The following PRH1 variants were observed in gnomAD, a reference collection of about 807,000 sequenced individuals.
PRH1 encodes proline rich protein HaeIII subfamily 1.
In PRH1, 7 loss-of-function variants were observed where a neutral mutation model predicts 7.9. The observed-to-expected ratio is 0.89, with a 90% CI of 0.50 to 1.67. PRH1 has a LOEUF of 1.67. Among genes scored for constraint, PRH1 ranks in the 40% most tolerant of loss-of-function variants. PRH1 has a pLI of 0.00. For synonymous variants in PRH1, 45 were observed against 80.8 expected (o/e 0.56, Z 2.38); for missense variants, 109 against 223.6 (o/e 0.49, Z 3.27).
intron 1 of PRH1, chr12:11,031,513 GAAGAGA>G: frequency 1.5e-6 from 1 of 685,776 alleles, no homozygotes; most frequent in Admixed American, 3.4e-5. Flanking sequence ...GGTTTATTGA[GAAGAGA>G]GAAAGGACAA....
In PRH1 at chr12:11,088,766, C is replaced by A. The variant is rs113153053; in HGVS notation, n.124-41578G>T. Among the ~76,000 whole-genome samples the A allele has an allele frequency of 2.7e-3, 245 of 91,702 alleles. 4 individuals carry two copies. The highest frequency in any genetic ancestry group is 4.0e-3 in the Non-Finnish European group (150 of 37,142). 60.2% of individuals were successfully genotyped at this position (91,702 alleles called of 152,430 possible). On this transcript the variant is annotated intron_variant and non_coding_transcript_variant, in intron 1 of 4. Transcript: ENST00000541977. ...GATATGGACTCTGCTCCAAGCTGCT[C>A]TGGCCACTGTGCCAGATGATCCAGC...
At chr12:11,022,228 T>C in intron 1 of PRH1, 1 of 1,614,050 alleles carries the variant, frequency 6.2e-7, no homozygotes, top group Non-Finnish European at 8.5e-7. Context: ...AGAAATAAGG[T>C]TGGAGAAATT....
At chr12:11,111,203 G>C (rs915188486) in intron 1 of PRH1, among the ~76,000 whole-genome samples, 1 of 152,144 alleles carries the variant, frequency 6.6e-6, no homozygotes, top group African/African-American at 2.4e-5. Flanking sequence ...CAATAATAGT[G>C]AGAGACTTTA....
At chr12:11,060,037 T>TA (rs1943519347) in intron 1 of PRH1, among the ~76,000 whole-genome samples, 1 of 152,214 alleles carries the variant, frequency 6.6e-6, no homozygotes. Context: ...TTACAGTTCT[T>TA]ACATTGTACT....
intron 2 of PRH1, among the ~76,000 whole-genome samples, chr12:10,921,067 AT>A (rs1432539401): frequency 6.6e-6 from 1 of 152,062 alleles, no homozygotes; most frequent in Non-Finnish European, 1.5e-5. Context: ...TTAAGTATAT[AT>A]TATGAGACTA....
intron 2 of PRH1, chr12:10,930,228 C>A: frequency 1.2e-6 from 2 of 1,600,732 alleles, no homozygotes; most frequent in Non-Finnish European, 1.7e-6. Flanking sequence ...CTGAATGATT[C>A]ATGCAGTAAC....
chr12:10,896,607 C>G (rs1280416921), intron 2 of PRH1, among the ~76,000 whole-genome samples: 1 of 151,752 alleles, frequency 6.6e-6, no homozygotes, highest in Non-Finnish European at 1.5e-5. Flanking sequence ...ACTAAAAATA[C>G]AAAAATTAGC....
At chr12:11,048,125 C>G (rs1415912370), upstream of PRH1, among the ~76,000 whole-genome samples, 1 of 148,262 alleles carries the variant, frequency 6.7e-6, no homozygotes, top group African/African-American at 2.5e-5. Flanking sequence ...CACACATGCA[C>G]ACATATACCC....
At chr12:11,144,064 GCCT>G (rs1480462490) in intron 1 of PRH1, among the ~76,000 whole-genome samples, 1 of 152,140 alleles carries the variant, frequency 6.6e-6, no homozygotes, top group East Asian at 1.9e-4. Context: ...GTGCTGGTTG[GCCT>G]CCTACCAGGA....
At chr12:10,946,683 G>A (rs566918427) in intron 2 of PRH1, among the ~76,000 whole-genome samples, 15 of 151,956 alleles carry the variant, frequency 9.9e-5, no homozygotes, top group African/African-American at 2.7e-4. Flanking sequence ...TGCTAGCTTC[G>A]GGGTTGATTT....
chr12:11,085,029 C>CAT (rs1944638606), intron 1 of PRH1, among the ~76,000 whole-genome samples: 2 of 113,450 alleles, frequency 1.8e-5, no homozygotes, highest in East Asian at 4.3e-4. Flanking sequence ...ACCGTGTTAG[C>CAT]CAGGATGGTC....
At chr12:11,122,501 C>A in intron 1 of PRH1, among the ~76,000 whole-genome samples, 1 of 152,252 alleles carries the variant, frequency 6.6e-6, no homozygotes, top group Non-Finnish European at 1.5e-5. Flanking sequence ...TATGTCCACA[C>A]TTGTTGTGTC....
At chr12:11,150,411 G>C (rs1480798262) in intron 1 of PRH1, among the ~76,000 whole-genome samples, 1 of 152,016 alleles carries the variant, frequency 6.6e-6, no homozygotes, top group East Asian at 1.9e-4. Flanking sequence ...CAAAGACTTG[G>C]AACCAATCCA....
chr12:11,094,637 A>G (rs1234691030), intron 1 of PRH1, among the ~76,000 whole-genome samples: 1 of 116,238 alleles, frequency 8.6e-6, no homozygotes, highest in Non-Finnish European at 2.0e-5. Flanking sequence ...CTATCTTAGA[A>G]TTGTGTAAGA....
At chr12:10,978,066 G>A (rs1939186643) in intron 1 of PRH1, among the ~76,000 whole-genome samples, 1 of 139,614 alleles carries the variant, frequency 7.2e-6, no homozygotes, top group Admixed American at 7.4e-5. Flanking sequence ...CTATTTTAAA[G>A]TTCATATGGA....
At chr12:11,120,115 TTAATG>T (rs1343701184), downstream of PRH1, among the ~76,000 whole-genome samples, 1 of 152,196 alleles carries the variant, frequency 6.6e-6, no homozygotes, top group African/African-American at 2.4e-5. Context: ...ATTACTTTGA[TTAATG>T]TAATGAATAA....
Position 11,018,168 on chromosome 12 carries a change from A to T in PRH1, c.-126+28852T>A, listed in dbSNP as rs1210834631. 2.0e-5 allele frequency among the ~76,000 whole-genome samples: 3 copies of T among 151,970 alleles called. No individual in the cohort carries two copies. The East Asian group carries it at 5.8e-4, about 29-fold the overall frequency. On this transcript the variant is annotated intron_variant, in intron 1 of 3. Transcript: ENST00000539853. Reference sequence around the variant, plus strand: ...ATAGGACTCTGTGCCTGTCTCCATCAAGCCCGTAGGAGAGGAGAAAGCAAA... The same window carrying T: ...ATAGGACTCTGTGCCTGTCTCCATCTAGCCCGTAGGAGAGGAGAAAGCAAA...
intron 1 of PRH1, among the ~76,000 whole-genome samples, chr12:11,160,484 T>TG (rs1429872471): frequency 2.8e-4 from 13 of 46,762 alleles, no homozygotes; most frequent in Non-Finnish European, 4.5e-4. Flanking sequence ...TTTGTTTGTT[T>TG]TTTTGAGACA....
At chr12:11,161,687 G>A (rs1330986947) in intron 1 of PRH1, among the ~76,000 whole-genome samples, 1 of 152,032 alleles carries the variant, frequency 6.6e-6, no homozygotes, top group Non-Finnish European at 1.5e-5. Context: ...AAATCTCACC[G>A]GTTTGGGGTA....
Sources: gnomAD v4.1 joint callset for allele counts (sites outside exome capture counted in the v4.1 genomes callset) on GRCh38, gnomAD v4.1.1 for gene constraint, MANE v1.5 for transcripts, NCBI Gene and HGNC (gene_info 2026-07-23, HGNC 2026-07-21) for gene names.